Variants in PIK3R4 observed in about 807,000 individuals in gnomAD.
PIK3R4 encodes the protein phosphoinositide-3-kinase regulatory subunit 4, also known as phosphoinositide 3-kinase regulatory subunit 4.
Under a neutral mutation model 136.5 loss-of-function variants are expected in PIK3R4, and 46 were observed. The ratio of observed to expected loss-of-function variants is 0.34; its 90% CI spans 0.27 to 0.43. PIK3R4 has a LOEUF of 0.43. Ranked by LOEUF, PIK3R4 falls within the 20% of genes least tolerant of loss-of-function variation. The pLI is 1.00. For synonymous variants in PIK3R4, 557 were observed against 566.7 expected (o/e 0.98, Z 0.24); for missense variants, 1,331 against 1,649.5 (o/e 0.81, Z 3.35).
intron 1 of PIK3R4, among the ~76,000 whole-genome samples, chr3:130,746,059 G>A (rs2066851742): frequency 6.6e-6 from 1 of 151,670 alleles, no homozygotes; most frequent in Admixed American, 6.6e-5. Flanking sequence ...ACTGAAAACT[G>A]AAAAGGTCAA....
rs1477725678 is a variant in PIK3R4, at chr3:130,746,821, T to C, written c.-550A>G. 1 of 152,180 alleles carries C rather than the reference T, an allele frequency of 6.6e-6. No homozygotes were observed. The highest frequency in any genetic ancestry group is 1.5e-5 in the Non-Finnish European group (1 of 68,064). 9.4% of individuals were successfully genotyped at this position (152,180 alleles called of 1,614,324 possible). On this transcript the variant is annotated 5_prime_UTR_variant, in exon 1 of 20. Coordinates refer to ENST00000356763, the MANE Select transcript of PIK3R4 (RefSeq NM_014602.3). ...GCCGAACTCCCGGGAAAGCAACCGG[T>C]CTGACCTCACTTCCTGTCGCCGAGC...
At chr3:130,714,753 C>T (rs2066653145) in intron 9 of PIK3R4, among the ~76,000 whole-genome samples, 2 of 152,254 alleles carry the variant, frequency 1.3e-5, no homozygotes, top group South Asian at 4.1e-4. Context: ...CCAGTTTCAT[C>T]CATGTCCCTG....
At chr3:130,713,815 G>C (rs2066645716) in intron 9 of PIK3R4, among the ~76,000 whole-genome samples, 1 of 152,252 alleles carries the variant, frequency 6.6e-6, no homozygotes, top group East Asian at 1.9e-4. Flanking sequence ...TGGGACCACA[G>C]GTGCCCACCA....
intron 13 of PIK3R4, among the ~76,000 whole-genome samples, chr3:130,696,638 C>T (rs2066547617): frequency 6.6e-6 from 1 of 152,116 alleles, no homozygotes; most frequent in Non-Finnish European, 1.5e-5. Context: ...TCCTTTTAAA[C>T]TTATTGAGGT....
chr3:130,727,324 C>T (rs1333106068), intron 6 of PIK3R4, among the ~76,000 whole-genome samples: 1 of 147,936 alleles, frequency 6.8e-6, no homozygotes, highest in African/African-American at 2.5e-5. Context: ...GGGTTCACGC[C>T]ATTCTCCTGC....
chr3:130,744,610 A>C lies in PIK3R4; in HGVS notation c.609T>G (p.Val203=). 1 of 1,614,244 alleles carries C rather than the reference A, an allele frequency of 6.2e-7. No individual in the cohort carries two copies. Among genetic ancestry groups the C allele is most frequent in the Non-Finnish European group, 8.5e-7 (1 of 1,180,052 alleles). The change falls in exon 2 of 20, where the codon GTT becomes GTG. Residue 203 remains valine, a synonymous_variant. Transcript: ENST00000356763. The part of the protein sequence containing the change: ...RTCYIAPERF[V]DGGMFATELE... ...ACTCAGTGGCAAACATCCCACCATC[A>C]ACAAAACGTTCAGGAGCAATATAGC...
At position 130,684,323 on chromosome 3, in the gene PIK3R4, A is replaced by G; in HGVS notation, c.3534T>C (p.Ser1178=). 1 of 1,613,306 alleles carries G rather than the reference A, an allele frequency of 6.2e-7. No homozygotes were observed. Among genetic ancestry groups the G allele is most frequent in the Non-Finnish European group, 8.5e-7 (1 of 1,179,346 alleles). The change falls in exon 16 of 20, where the codon AGT becomes AGC. Residue 1178 remains serine (S), a synonymous_variant. Transcript: ENST00000356763. ...TTCGAGCCCTGGAAGGATGACAGTGACTTGAAATTGGCAACTGGAACCTCA... is the reference window on the plus strand; with the variant it reads ...TTCGAGCCCTGGAAGGATGACAGTGGCTTGAAATTGGCAACTGGAACCTCA... ...WDMRFQLPIS[S]HCHPSRARIR... is the part of the protein sequence containing the mutation.
intron 13 of PIK3R4, among the ~76,000 whole-genome samples, chr3:130,693,850 T>C (rs1431196828): frequency 2.0e-5 from 3 of 152,280 alleles, no homozygotes; most frequent in East Asian, 1.9e-4. Context: ...AATCCTTGCC[T>C]AATCCATGGT....
intron 12 of PIK3R4, among the ~76,000 whole-genome samples, chr3:130,704,122 C>G (rs950517908): frequency 2.6e-5 from 4 of 152,178 alleles, no homozygotes; most frequent in African/African-American, 9.7e-5. Flanking sequence ...AAGGCAGCCC[C>G]TGGGGCCCTT....
chr3:130,724,700 C>A (rs979962725), intron 6 of PIK3R4, among the ~76,000 whole-genome samples: 2 of 152,090 alleles, frequency 1.3e-5, no homozygotes, highest in African/African-American at 4.8e-5. Flanking sequence ...GATTTAATTA[C>A]TTAAAGTTAT....
intron 10 of PIK3R4, among the ~76,000 whole-genome samples, chr3:130,708,045 G>A (rs1054752233): frequency 6.6e-6 from 1 of 152,122 alleles, no homozygotes; most frequent in Non-Finnish European, 1.5e-5. Context: ...TAAAAGTAGA[G>A]CTTTGGAATC....
At chr3:130,703,933 T>C in intron 12 of PIK3R4, 45 bp from the exon 13 acceptor site, 2 of 1,293,196 alleles carry the variant, frequency 1.5e-6, no homozygotes, top group Non-Finnish European at 2.2e-6. Flanking sequence ...AGTTTACAAA[T>C]ACAATGTCCC....
chr3:130,686,099 A>G, intron 15 of PIK3R4, 112 bp downstream of exon 15: 1 of 673,214 alleles, frequency 1.5e-6, no homozygotes, highest in Non-Finnish European at 2.6e-6. Context: ...AAAAAAAAAA[A>G]AGACGGGAAA....
At chr3:130,709,317 A>G (rs184530006) in intron 9 of PIK3R4, among the ~76,000 whole-genome samples, 6 of 152,272 alleles carry the variant, frequency 3.9e-5, no homozygotes, top group African/African-American at 1.2e-4. Context: ...CCATCCACAG[A>G]ATCCTCTAGT....
At chr3:130,696,750 C>T (rs538527687) in intron 13 of PIK3R4, among the ~76,000 whole-genome samples, 17 of 152,176 alleles carry the variant, frequency 1.1e-4, no homozygotes, top group Admixed American at 9.8e-4. Flanking sequence ...TCTACTGATA[C>T]CTGTTAAATC....
At chr3:130,719,846 G>A (rs1401670076) in intron 7 of PIK3R4, among the ~76,000 whole-genome samples, 1 of 152,060 alleles carries the variant, frequency 6.6e-6, no homozygotes, top group East Asian at 1.9e-4. Context: ...CGACAAACAG[G>A]AATCTGAAAT....
At chr3:130,730,235 A>C (rs575331695) in intron 5 of PIK3R4, 73 bp downstream of exon 5, 5 of 1,228,332 alleles carry the variant, frequency 4.1e-6, no homozygotes. Context: ...AAAACTACAA[A>C]TGATAGTTTT....
chr3:130,679,670 G>A (rs2066443075), intron 19 of PIK3R4, among the ~76,000 whole-genome samples, 185 bp from the exon 20 acceptor site: 1 of 152,176 alleles, frequency 6.6e-6, no homozygotes, highest in Non-Finnish European at 1.5e-5. Context: ...TAGGGTCCTA[G>A]TCATTGGATT....
At position 130,716,535 on chromosome 3, in the gene PIK3R4, T is replaced by C; in HGVS notation, c.2192A>G (p.Tyr731Cys). 1 of 1,613,920 alleles carries C rather than the reference T, an allele frequency of 6.2e-7. No individual in the cohort carries two copies. The highest frequency in any genetic ancestry group is 8.5e-7 in the Non-Finnish European group (1 of 1,179,796). The change falls in exon 9 of 20, where the codon TAT (tyrosine) becomes TGT (cysteine). Residue 731 changes from tyrosine (Y) to cysteine (C), a missense_variant. By Grantham distance (194) the Tyr-to-Cys change is radical. Coordinates refer to ENST00000356763, the MANE Select transcript of PIK3R4 (RefSeq NM_014602.3). The stretch of plus-strand genomic sequence containing the variant: ...AGTAATATCTTTAGACCTCAAAGCA[T>C]AATCAAATATAGAACGACTTACTGG... The part of the protein sequence containing the change: ...KEPVSRSIFD[Y>C]ALRSKDITSL...
Sources: gnomAD v4.1 joint callset for allele counts (sites outside exome capture counted in the v4.1 genomes callset) on GRCh38, gnomAD v4.1.1 for gene constraint, MANE v1.5 for transcripts, NCBI Gene and HGNC (gene_info 2026-07-23, HGNC 2026-07-21) for gene names.